CEP63: variants seen among roughly 807,000 people sequenced by gnomAD.
CEP63 encodes centrosomal protein of 63 kDa.
A neutral mutation model predicts 89.1 loss-of-function variants in CEP63; 84 were observed. The observed-to-expected ratio is 0.94, with a 90% CI of 0.79 to 1.13. The LOEUF (loss-of-function observed/expected upper bound fraction) is 1.13. Ranked by LOEUF, CEP63 falls within the 50% of genes most tolerant of loss-of-function variation. CEP63 has a pLI of 0.00. For synonymous variants in CEP63, 267 were observed against 272.5 expected, an observed-to-expected ratio of 0.98 and a Z score of 0.20; for missense variants, 838 against 813.3, an observed-to-expected ratio of 1.03 and a Z score of -0.37.
intron 2 of CEP63, 44 bp from the exon 3 acceptor site, chr3:134,507,065 T>C (rs747964338): frequency 2.0e-6 from 3 of 1,518,150 alleles, no homozygotes; most frequent in Non-Finnish European, 2.7e-6. Context: ...AAAAGCCACT[T>C]GAACATATCT....
chr3:134,781,355 GT>G, the CEP63 span, among the ~76,000 whole-genome samples: 1 of 152,108 alleles, frequency 6.6e-6, no homozygotes, highest in East Asian at 1.9e-4. Context: ...TTTAAATGTT[GT>G]TTAATAAATT....
chr3:134,489,976 A>G (rs903073069), intron 1 of CEP63, among the ~76,000 whole-genome samples: 1 of 152,162 alleles, frequency 6.6e-6, no homozygotes, highest in African/African-American at 2.4e-5. Context: ...GATATGACCA[A>G]TAGCTTTGGT....
chr3:134,702,506 G>T, the CEP63 span, among the ~76,000 whole-genome samples: 16 of 151,974 alleles, frequency 1.1e-4, no homozygotes, highest in Non-Finnish European at 2.4e-4. Flanking sequence ...AAACAACATG[G>T]TACTGGTACA....
the CEP63 span, among the ~76,000 whole-genome samples, chr3:134,690,594 C>T: frequency 6.6e-6 from 1 of 152,128 alleles, no homozygotes; most frequent in South Asian, 2.1e-4. Flanking sequence ...CACTCTATAT[C>T]CTTCCAAGTT....
At chr3:134,604,542 A>T in the CEP63 span, 15 of 1,369,424 alleles carry the variant, frequency 1.1e-5, no homozygotes, top group Non-Finnish European at 1.5e-5. Flanking sequence ...TAAATGTTTA[A>T]CAACTGTCTC....
At chr3:134,668,424 A>G in the CEP63 span, among the ~76,000 whole-genome samples, 2 of 152,180 alleles carry the variant, frequency 1.3e-5, no homozygotes, top group Non-Finnish European at 2.9e-5. Context: ...CTGAAGAGGA[A>G]GCTGAGGATA....
the CEP63 span, among the ~76,000 whole-genome samples, chr3:134,706,564 C>A: frequency 5.0e-4 from 76 of 152,250 alleles, no homozygotes; most frequent in Non-Finnish European, 3.1e-4. Flanking sequence ...CCTGCCTCAC[C>A]CTATTCCAGT....
the CEP63 span, among the ~76,000 whole-genome samples, chr3:134,711,766 C>CTTTT: frequency 7.1e-6 from 1 of 139,874 alleles, no homozygotes; most frequent in Non-Finnish European, 1.6e-5. Flanking sequence ...CTTTTCTTTT[C>CTTTT]TTTTTTTTTT....
chr3:134,511,355 T>C, intron 3 of CEP63: 1 of 156,462 alleles, frequency 6.4e-6, no homozygotes, highest in Non-Finnish European at 1.4e-5. Flanking sequence ...TCTGTGGATT[T>C]CCACTCTTTG....
At chr3:134,532,706 A>G in intron 4 of CEP63, 72 bp from the exon 5 acceptor site, 2 of 1,293,952 alleles carry the variant, frequency 1.5e-6, no homozygotes, top group South Asian at 1.2e-5. Context: ...TTGTTTTCAT[A>G]ATACCAATTT....
At chr3:134,668,072 A>C in the CEP63 span, among the ~76,000 whole-genome samples, 1 of 152,286 alleles carries the variant, frequency 6.6e-6, no homozygotes, top group African/African-American at 2.4e-5. Flanking sequence ...GGTGGCCAGC[A>C]TGCCTCATGC....
At chr3:134,770,826 TG>T in the CEP63 span, among the ~76,000 whole-genome samples, 1 of 152,208 alleles carries the variant, frequency 6.6e-6, no homozygotes, top group Non-Finnish European at 1.5e-5. Flanking sequence ...GGCCCACTCC[TG>T]AGTTCTCCTC....
intron 9 of CEP63, among the ~76,000 whole-genome samples, chr3:134,547,688 G>A (rs1261799532): frequency 1.5e-5 from 2 of 136,436 alleles, no homozygotes; most frequent in African/African-American, 5.4e-5. Flanking sequence ...TCAGCTCACT[G>A]CAACCTCCGC....
the CEP63 span, among the ~76,000 whole-genome samples, chr3:134,733,641 G>T: frequency 6.6e-6 from 1 of 152,166 alleles, no homozygotes; most frequent in African/African-American, 2.4e-5. Flanking sequence ...AACGCCATGT[G>T]CCAGTGGAGG....
At chr3:134,782,187 T>C in the CEP63 span, among the ~76,000 whole-genome samples, 1 of 152,360 alleles carries the variant, frequency 6.6e-6, no homozygotes, top group Non-Finnish European at 1.5e-5. Flanking sequence ...TAGATTTCTC[T>C]AAAATTAGAC....
At chr3:134,614,809 A>T in the CEP63 span, among the ~76,000 whole-genome samples, 1 of 152,152 alleles carries the variant, frequency 6.6e-6, no homozygotes, top group Non-Finnish European at 1.5e-5. Context: ...CCAGGCCCCA[A>T]CAGCTGTGTG....
the CEP63 span, among the ~76,000 whole-genome samples, chr3:134,754,790 C>T: frequency 6.6e-5 from 10 of 152,182 alleles, no homozygotes; most frequent in East Asian, 5.8e-4. Context: ...CCAGACGCCA[C>T]GCCCCCATCT....
the CEP63 span, among the ~76,000 whole-genome samples, chr3:134,697,892 G>A: frequency 3.3e-5 from 5 of 152,252 alleles, no homozygotes; most frequent in Admixed American, 1.3e-4. Flanking sequence ...TGGGCTGGGA[G>A]TGGAGCTCCA....
At chr3:134,608,315 C>T in the CEP63 span, 1 of 1,247,362 alleles carries the variant, frequency 8.0e-7, no homozygotes, top group Non-Finnish European at 1.0e-6. Flanking sequence ...AGGAAGTGCC[C>T]AGCCCTGGCT....
Sources: gnomAD v4.1 joint callset for allele counts (sites outside exome capture counted in the v4.1 genomes callset) on GRCh38, gnomAD v4.1.1 for gene constraint, MANE v1.5 for transcripts, NCBI Gene and HGNC (gene_info 2026-07-23, HGNC 2026-07-21) for gene names.